The following SNTG1 variants were observed in gnomAD, a reference collection of about 807,000 sequenced individuals.
SNTG1 encodes syntrophin gamma 1.
In SNTG1, 39 loss-of-function variants were observed where a neutral mutation model predicts 74.7. That is an observed-to-expected ratio of 0.52 (90% CI 0.40 to 0.68). The LOEUF is 0.68. Among genes scored for constraint, SNTG1 ranks in the 30% least tolerant of loss-of-function variants. SNTG1 has a pLI of 0.00. For synonymous variants in SNTG1, 254 were observed against 217.1 expected (o/e 1.17, Z -1.49); for missense variants, 685 against 609.5 (o/e 1.12, Z -1.30).
At chr8:50,060,004 A>T (rs1820339704) in intron 1 of SNTG1, among the ~76,000 whole-genome samples, 1 of 152,062 alleles carries the variant, frequency 6.6e-6, no homozygotes, top group Non-Finnish European at 1.5e-5. Context: ...ATGTTTGCCA[A>T]CACTTGCTAT....
At chr8:50,078,502 TATA>T (rs1822106260) in intron 1 of SNTG1, among the ~76,000 whole-genome samples, 1 of 152,188 alleles carries the variant, frequency 6.6e-6, no homozygotes, top group Non-Finnish European at 1.5e-5. Flanking sequence ...TTAGATACAT[TATA>T]ATTTTGTTTG....
chr8:50,432,595 A>G (rs1376784988), intron 4 of SNTG1, among the ~76,000 whole-genome samples: 1 of 152,142 alleles, frequency 6.6e-6, no homozygotes, highest in African/African-American at 2.4e-5. Flanking sequence ...TTTAAAAATC[A>G]AGTTGGAAAG....
chr8:50,291,000 C>T (rs984452065), intron 2 of SNTG1, among the ~76,000 whole-genome samples: 48 of 152,124 alleles, frequency 3.2e-4, no homozygotes, highest in African/African-American at 1.1e-3. Flanking sequence ...TCAAGCGATG[C>T]CTATCTCGGC....
intron 2 of SNTG1, among the ~76,000 whole-genome samples, chr8:50,188,144 C>A (rs1207788228): frequency 6.6e-6 from 1 of 152,114 alleles, no homozygotes; most frequent in African/African-American, 2.4e-5. Context: ...TCTCAAAGAA[C>A]ACGAATATCT....
At chr8:50,645,370 C>G (rs1369761516) in intron 13 of SNTG1, among the ~76,000 whole-genome samples, 1 of 151,854 alleles carries the variant, frequency 6.6e-6, no homozygotes, top group Non-Finnish European at 1.5e-5. Context: ...TCCTAACTAG[C>G]CACCTAATGT....
rs550856192 is a variant in SNTG1 at position 50,668,474 on chromosome 8, C to G, written c.1038+9811C>G. ...TTAGCTAGATCTTGTCTAGAGATAC[C>G]TATGTTCTTCATCTTTCGCACATTA... On this transcript the variant is annotated intron_variant, in intron 15 of 18. Transcript: ENST00000642720. 2.4e-3 allele frequency among the ~76,000 whole-genome samples: 353 copies of G among 150,154 alleles called. 2 individuals are homozygous for G. Among genetic ancestry groups the G allele is most frequent in the African/African-American group, 8.4e-3 (342 of 40,690 alleles).
chr8:50,195,840 G>C (rs1297031362), intron 2 of SNTG1, among the ~76,000 whole-genome samples: 1 of 152,110 alleles, frequency 6.6e-6, no homozygotes, highest in African/African-American at 2.4e-5. Flanking sequence ...GGTCCTCTCA[G>C]GGCTGTTGGT....
intron 1 of SNTG1, among the ~76,000 whole-genome samples, chr8:50,048,953 T>A (rs1819330388): frequency 6.6e-6 from 1 of 152,056 alleles, no homozygotes; most frequent in Admixed American, 6.6e-5. Flanking sequence ...AGGCAAGAAC[T>A]CTGTTATATT....
At position 50,186,583 on chromosome 8, in the gene SNTG1, G is replaced by A. The variant is rs527311826; in HGVS notation, c.-28+13948G>A. ...TTGTTATTCTGACTGGTGTGAGATG[G>A]TATCTCATTATGGTTTTGATTTACA... On this transcript the variant is annotated intron_variant, in intron 2 of 18. Coordinates refer to ENST00000642720, the MANE Select transcript of SNTG1 (RefSeq NM_018967.5). 2.0e-4 allele frequency among the ~76,000 whole-genome samples: 30 copies of A among 152,146 alleles called. No homozygotes were observed. In the Middle Eastern group the frequency reaches 0.01, roughly 52 times the overall value.
intron 1 of SNTG1, among the ~76,000 whole-genome samples, chr8:50,155,885 C>T (rs1371677087): frequency 3.3e-5 from 5 of 151,526 alleles, no homozygotes; most frequent in Admixed American, 6.6e-5. Flanking sequence ...AAATACATCT[C>T]TAGTTAGAAT....
intron 4 of SNTG1, among the ~76,000 whole-genome samples, chr8:50,424,181 T>TA (rs756386238): frequency 7.2e-5 from 11 of 152,108 alleles, no homozygotes; most frequent in Non-Finnish European, 1.5e-4. Flanking sequence ...ATGAAGGGAT[T>TA]AAACATGGAG....
intron 15 of SNTG1, among the ~76,000 whole-genome samples, chr8:50,670,598 A>G (rs13281582): frequency 0.14 from 17,291 of 127,756 alleles, 1,250 homozygotes; most frequent in Middle Eastern, 0.21. Flanking sequence ...AATCAATATC[A>G]TGAAAATGGC....
In SNTG1 at chr8:50,006,777, G is replaced by A. The variant is rs141887852; in HGVS notation, c.-103+94546G>A. Among the ~76,000 whole-genome samples, 409 of 152,220 alleles carry A rather than the reference G, an allele frequency of 2.7e-3. 3 individuals carry two copies. In the East Asian group the frequency reaches 0.03, roughly 11 times the overall value. On this transcript the variant is annotated intron_variant, in intron 1 of 18. Coordinates refer to ENST00000642720, the MANE Select transcript of SNTG1 (RefSeq NM_018967.5). Reference sequence around the variant, plus strand: ...TTGCTGGTGCCACTAATTAGGAAAGGGATCCTTTCTCACAAGGTGACTAAG... The same window carrying A: ...TTGCTGGTGCCACTAATTAGGAAAGAGATCCTTTCTCACAAGGTGACTAAG...
chr8:50,288,781 A>G (rs28535353), intron 2 of SNTG1, among the ~76,000 whole-genome samples: 3 of 152,190 alleles, frequency 2.0e-5, no homozygotes, highest in African/African-American at 7.2e-5. Context: ...TTGTCATTTC[A>G]GAGGTTAATG....
chr8:50,278,847 A>AT, intron 2 of SNTG1, among the ~76,000 whole-genome samples: 1 of 150,842 alleles, frequency 6.6e-6, no homozygotes, highest in South Asian at 2.1e-4. Flanking sequence ...AACTTAAAAA[A>AT]TTCATGTCTA....
chr8:49,938,938 G>A (rs1341324514), intron 1 of SNTG1, among the ~76,000 whole-genome samples: 1 of 151,906 alleles, frequency 6.6e-6, no homozygotes, highest in Non-Finnish European at 1.5e-5. Flanking sequence ...GTATTCCACA[G>A]TGGTGCCCTA....
intron 17 of SNTG1, among the ~76,000 whole-genome samples, chr8:50,744,616 A>G (rs1374931386): frequency 1.3e-5 from 2 of 152,106 alleles, no homozygotes; most frequent in Non-Finnish European, 2.9e-5. Context: ...AAAAAGAACA[A>G]AAGTTGTAGG....
At chr8:50,609,537 T>C (rs2094835865) in intron 13 of SNTG1, among the ~76,000 whole-genome samples, 1 of 152,110 alleles carries the variant, frequency 6.6e-6, no homozygotes, top group South Asian at 2.1e-4. Context: ...ACTTGAGACT[T>C]CTTGAATTTC....
At chr8:50,291,229 G>C (rs1007625369) in intron 2 of SNTG1, among the ~76,000 whole-genome samples, 2 of 125,206 alleles carry the variant, frequency 1.6e-5, no homozygotes, top group Non-Finnish European at 3.4e-5. Context: ...ATATAAGAGA[G>C]AGAGACAGAC....
Sources: allele counts gnomAD v4.1 joint callset (sites outside exome capture counted in the v4.1 genomes callset), GRCh38; gene constraint gnomAD v4.1.1; transcripts MANE v1.5; gene names NCBI Gene and HGNC (gene_info 2026-07-23, HGNC 2026-07-21).